Variants in DACH2 observed in about 807,000 individuals in gnomAD.
The protein encoded by DACH2 is dachshund family transcription factor 2.
In DACH2, 17 loss-of-function variants were observed where a neutral mutation model predicts 35.8. The ratio of observed to expected loss-of-function variants is 0.48; its 90% CI spans 0.33 to 0.71. The LOEUF (loss-of-function observed/expected upper bound fraction) is 0.71. Ranked by LOEUF, DACH2 falls within the 30% of genes least tolerant of loss-of-function variation. DACH2 has a pLI of 0.02. For synonymous variants in DACH2, 195 were observed against 177.3 expected (o/e 1.10, Z -0.79); for missense variants, 469 against 472.7 (o/e 0.99, Z 0.07).
intron 4 of DACH2, among the ~76,000 whole-genome samples, chrX:86,677,087 C>T (rs1237753221): frequency 1.8e-5 from 2 of 111,846 alleles, no homozygotes; most frequent in Admixed American, 9.5e-5. Context: ...TTAGCATCCT[C>T]AACTAAATGC....
At chrX:86,780,715 G>A (rs914490765) in intron 7 of DACH2, among the ~76,000 whole-genome samples, 3 of 111,092 alleles carry the variant, frequency 2.7e-5, no homozygotes, top group African/African-American at 9.8e-5. Flanking sequence ...AGTTCTTTTC[G>A]AGTGTAGCAC....
Position 86,739,841 on chromosome X carries a change from C to T in DACH2, c.1199C>T (p.Ser400Phe), listed in dbSNP as rs763149898. ...TCTTCCCACACCAGCAGCAGTGTGTCCAGCTCTCCCTCTCAGATGGATCAT... is the reference window on the plus strand; with the variant it reads ...TCTTCCCACACCAGCAGCAGTGTGTTCAGCTCTCCCTCTCAGATGGATCAT... ...QTSSHTSSSV[S>F]SSPSQMDHHL... The change falls in exon 7 of 12, where the codon TCC (serine) becomes TTC (phenylalanine). Residue 400 changes from serine (S) to phenylalanine (F), a missense_variant. Ser to Phe is a radical substitution (Grantham distance 155, BLOSUM62 -2). Coordinates refer to ENST00000373125, the MANE Select transcript of DACH2 (RefSeq NM_053281.3). 5.0e-6 allele frequency: 6 copies of T among 1,204,832 alleles called. No individual in the cohort carries two copies. The highest frequency in any genetic ancestry group is 3.0e-5 in the East Asian group (1 of 33,370).
At chrX:86,767,913 TTTTG>T (rs763857268) in intron 7 of DACH2, among the ~76,000 whole-genome samples, 40 of 110,923 alleles carry the variant, frequency 3.6e-4, no homozygotes, top group South Asian at 7.5e-4. Flanking sequence ...TCTGATGGGG[TTTTG>T]TTTGTTTGTT....
chrX:86,239,356 A>G (rs1360060095), intron 1 of DACH2, among the ~76,000 whole-genome samples: 2 of 111,437 alleles, frequency 1.8e-5, no homozygotes, highest in Non-Finnish European at 3.8e-5. Flanking sequence ...TTTTTACCCC[A>G]TTTTAGATAC....
chrX:86,762,456 T>C (rs1416643543), intron 7 of DACH2, among the ~76,000 whole-genome samples: 6 of 111,530 alleles, frequency 5.4e-5, no homozygotes, highest in African/African-American at 2.0e-4. Flanking sequence ...CACCATATTC[T>C]CTCTTTAGAG....
chrX:86,653,076 A>T (rs12556022), intron 4 of DACH2, among the ~76,000 whole-genome samples: 13,614 of 111,573 alleles, frequency 0.12, 721 homozygotes, highest in East Asian at 0.32. Context: ...TTTTATATTT[A>T]GGAATTTAAT....
intron 1 of DACH2, among the ~76,000 whole-genome samples, chrX:86,276,318 A>C (rs1312207633): frequency 8.9e-6 from 1 of 112,355 alleles, no homozygotes; most frequent in Non-Finnish European, 1.9e-5. Context: ...CCTGTTTGCC[A>C]CTTGGATGTC....
At chrX:86,519,038 T>C (rs2038513634) in intron 3 of DACH2, among the ~76,000 whole-genome samples, 1 of 112,356 alleles carries the variant, frequency 8.9e-6, no homozygotes, top group African/African-American at 3.2e-5. Context: ...GGGTTTCTCA[T>C]AGATGGCTCT....
intron 1 of DACH2, among the ~76,000 whole-genome samples, chrX:86,328,731 T>C (rs773052177): frequency 3.6e-5 from 4 of 111,913 alleles, no homozygotes; most frequent in Middle Eastern, 4.2e-3. Context: ...TTTCAAGTCA[T>C]TCACCTTCAA....
chrX:86,553,023 A>C (rs1370540813), intron 3 of DACH2, among the ~76,000 whole-genome samples: 3 of 111,042 alleles, frequency 2.7e-5, no homozygotes, highest in Non-Finnish European at 5.7e-5. Flanking sequence ...AACTAATAGG[A>C]TAGATGTATA....
chrX:86,451,888 A>G (rs2037384270), intron 2 of DACH2, among the ~76,000 whole-genome samples: 1 of 111,491 alleles, frequency 9.0e-6, no homozygotes. Context: ...ACTATGTTCA[A>G]TAAAAGTGGT....
intron 4 of DACH2, among the ~76,000 whole-genome samples, chrX:86,672,472 C>G (rs952838984): frequency 9.0e-6 from 1 of 111,329 alleles, no homozygotes; most frequent in African/African-American, 3.3e-5. Context: ...ACCCAGGACC[C>G]CAATGCCCTG....
intron 3 of DACH2, among the ~76,000 whole-genome samples, chrX:86,533,591 T>G (rs1235825580): frequency 2.7e-5 from 3 of 112,216 alleles, no homozygotes; most frequent in Non-Finnish European, 3.8e-5. Flanking sequence ...AATCGTATTA[T>G]TTTTTGACAT....
chrX:86,160,950 A>C, intron 1 of DACH2: 2 of 775,330 alleles, frequency 2.6e-6, no homozygotes, highest in East Asian at 6.4e-5. Context: ...TGGTGGTAGG[A>C]TGTAGTCCAG....
intron 7 of DACH2, among the ~76,000 whole-genome samples, chrX:86,801,744 C>T (rs182358987): frequency 8.9e-6 from 1 of 112,192 alleles, no homozygotes; most frequent in Admixed American, 9.4e-5. Context: ...TTTGAATTAT[C>T]TTTAATTTTT....
At chrX:86,670,075 A>C (rs1347882398) in intron 4 of DACH2, among the ~76,000 whole-genome samples, 1 of 111,481 alleles carries the variant, frequency 9.0e-6, no homozygotes, top group Non-Finnish European at 1.9e-5. Flanking sequence ...AATCAACTGT[A>C]AGGGAGTCTA....
At chrX:86,773,405 C>A (rs2042004283) in intron 7 of DACH2, among the ~76,000 whole-genome samples, 1 of 111,632 alleles carries the variant, frequency 9.0e-6, no homozygotes, top group Admixed American at 9.6e-5. Context: ...GGAAAAAATT[C>A]TGACAGAATG....
intron 6 of DACH2, among the ~76,000 whole-genome samples, chrX:86,730,111 C>A (rs2041516112): frequency 9.0e-6 from 1 of 111,014 alleles, no homozygotes; most frequent in South Asian, 3.8e-4. Flanking sequence ...TTATATTAAG[C>A]TGATGCCTGT....
At chrX:86,682,867 CT>C (rs779888886) in intron 4 of DACH2, among the ~76,000 whole-genome samples, 1 of 111,203 alleles carries the variant, frequency 9.0e-6, no homozygotes, top group Admixed American at 9.6e-5. Context: ...TTTCCTTATC[CT>C]TTTTTTCCAT....
Sources: allele counts gnomAD v4.1 joint callset (sites outside exome capture counted in the v4.1 genomes callset), GRCh38; gene constraint gnomAD v4.1.1; transcripts MANE v1.5; gene names NCBI Gene and HGNC (gene_info 2026-07-23, HGNC 2026-07-21).